Variants in ERG observed in about 807,000 individuals in gnomAD.
ERG encodes the protein ETS transcription factor ERG, also known as transcriptional regulator ERG.
ERG carries 9 observed loss-of-function variants against 55.3 expected under a neutral mutation model. The observed-to-expected ratio is 0.16, with a 90% CI of 0.10 to 0.28. ERG has a LOEUF of 0.28. Among genes scored for constraint, ERG ranks in the 10% least tolerant of loss-of-function variants. ERG has a pLI of 1.00. For synonymous variants in ERG, 223 were observed against 237.3 expected (o/e 0.94, Z 0.55); for missense variants, 434 against 631.6 (o/e 0.69, Z 3.35).
chr21:38,654,618 C>G (rs2060507961), intron 1 of ERG, among the ~76,000 whole-genome samples: 1 of 152,198 alleles, frequency 6.6e-6, no homozygotes, highest in Non-Finnish European at 1.5e-5. Flanking sequence ...TCTAACATCT[C>G]TTCTCCAGAA....
intron 1 of ERG, among the ~76,000 whole-genome samples, chr21:38,637,816 C>T (rs866692529): frequency 1.7e-4 from 25 of 148,944 alleles, no homozygotes; most frequent in East Asian, 5.9e-4. Flanking sequence ...TCTTTTTCTG[C>T]GTGTGTGTGT....
At chr21:38,470,791 A>G (rs1277994948) in intron 1 of ERG, 4 of 152,236 alleles carry the variant, frequency 2.6e-5, no homozygotes, top group Non-Finnish European at 4.4e-5. Context: ...CCAAGAGTCT[A>G]TTAACATTGT....
At chr21:38,602,054 T>C (rs993407356) in intron 1 of ERG, among the ~76,000 whole-genome samples, 16 of 152,210 alleles carry the variant, frequency 1.1e-4, no homozygotes, top group Non-Finnish European at 2.4e-4. Context: ...GAGTGCTTTT[T>C]ACCTGCTCTT....
At chr21:38,587,644 G>A (rs999912127), upstream of ERG, among the ~76,000 whole-genome samples, 7 of 152,218 alleles carry the variant, frequency 4.6e-5, no homozygotes, top group South Asian at 4.1e-4. Context: ...GAGCCACGGC[G>A]CCCGGCCAAA....
chr21:38,660,216 C>T (rs61085980), intron 1 of ERG, among the ~76,000 whole-genome samples: 69,397 of 152,130 alleles, frequency 0.46, 16,198 homozygotes, highest in Middle Eastern at 0.58. Context: ...CTGATTTCCA[C>T]TCCAGACAAG....
chr21:38,467,493 A>G (rs545611767), intron 1 of ERG, among the ~76,000 whole-genome samples: 3 of 152,106 alleles, frequency 2.0e-5, no homozygotes, highest in Non-Finnish European at 4.4e-5. Flanking sequence ...GCGGGTGTGG[A>G]GGAGGAGGAG....
chr21:38,589,527 G>T (rs916348796), upstream of ERG, among the ~76,000 whole-genome samples: 43 of 152,308 alleles, frequency 2.8e-4, no homozygotes, highest in African/African-American at 1.0e-3. Flanking sequence ...TTCTCACCAC[G>T]GATTGGTTTA....
chr21:38,484,253 C>G (rs2059263756), intron 1 of ERG, among the ~76,000 whole-genome samples: 2 of 152,154 alleles, frequency 1.3e-5, no homozygotes, highest in Non-Finnish European at 2.9e-5. Context: ...GTGTGAGCCA[C>G]CGCGCCCGGT....
At chr21:38,416,123 T>G (rs1185547506) in intron 3 of ERG, among the ~76,000 whole-genome samples, 1 of 152,178 alleles carries the variant, frequency 6.6e-6, no homozygotes, top group Non-Finnish European at 1.5e-5. Context: ...CCTCTAACAC[T>G]CTGAGAACTC....
intron 1 of ERG, among the ~76,000 whole-genome samples, chr21:38,486,911 C>A (rs1188133601): frequency 6.6e-6 from 1 of 152,124 alleles, no homozygotes; most frequent in Non-Finnish European, 1.5e-5. Flanking sequence ...AAGTATTAAG[C>A]TGCTTAATCC....
intron 2 of ERG, among the ~76,000 whole-genome samples, chr21:38,424,113 T>A (rs1989685611): frequency 6.6e-6 from 1 of 151,956 alleles, no homozygotes; most frequent in South Asian, 2.1e-4. Flanking sequence ...AATTTCAGTT[T>A]GATGAGGTCA....
chr21:38,376,195 T>C (rs1038898672), downstream of ERG, among the ~76,000 whole-genome samples: 12 of 152,204 alleles, frequency 7.9e-5, no homozygotes, highest in South Asian at 2.1e-4. Context: ...TATGTCACAT[T>C]AGTGTGAATG....
At chr21:38,481,292 A>G (rs1186757348) in intron 1 of ERG, among the ~76,000 whole-genome samples, 1 of 152,254 alleles carries the variant, frequency 6.6e-6, no homozygotes, top group Non-Finnish European at 1.5e-5. Flanking sequence ...TTCAATATGC[A>G]TCATTTATTC....
At position 38,543,948 on chromosome 21, in the gene ERG, G is replaced by A. The variant is rs180749847; in HGVS notation, c.-41+31714C>T. On this transcript the variant is annotated intron_variant, in intron 2 of 8. Coordinates refer to the ERG transcript ENST00000398897. The stretch of plus-strand genomic sequence containing the variant: ...GACAGGATTTCACCATGTTGGCCAG[G>A]CTGGTCGTCTCAAACTTCTGACCTC... Among the ~76,000 whole-genome samples the A allele has an allele frequency of 1.2e-4, 18 of 152,148 alleles. No individual in the cohort carries two copies. In the East Asian group the frequency reaches 2.5e-3, roughly 21 times the overall value.
chr21:38,447,323 A>G (rs2058901228), intron 1 of ERG, among the ~76,000 whole-genome samples: 1 of 151,784 alleles, frequency 6.6e-6, no homozygotes, highest in African/African-American at 2.4e-5. Flanking sequence ...TATCTGTAGA[A>G]TTACAGCCCT....
chr21:38,489,704 G>A (rs774265196), intron 1 of ERG, among the ~76,000 whole-genome samples: 3 of 152,220 alleles, frequency 2.0e-5, no homozygotes, highest in Non-Finnish European at 4.4e-5. Context: ...TTTGCCTGGC[G>A]TAGGCCAAGC....
At chr21:38,379,594 T>C (rs775861793), downstream of ERG, among the ~76,000 whole-genome samples, 17 of 152,240 alleles carry the variant, frequency 1.1e-4, no homozygotes, top group Non-Finnish European at 2.4e-4. Context: ...TCAGGTAATA[T>C]TATGACTTTC....
At chr21:38,634,513 A>G (rs1236637704) in intron 1 of ERG, among the ~76,000 whole-genome samples, 1 of 152,234 alleles carries the variant, frequency 6.6e-6, no homozygotes, top group African/African-American at 2.4e-5. Flanking sequence ...TCTGGTGTAG[A>G]TAACAATCAA....
chr21:38,403,660 C>A lies in ERG; in HGVS notation c.438G>T (p.Ala146=). 6.2e-7 allele frequency: 1 copy of A among 1,614,124 alleles called. No homozygotes were observed. The highest frequency in any genetic ancestry group is 8.5e-7 in the Non-Finnish European group (1 of 1,180,020). Residue 146 remains alanine (A), a synonymous_variant, in exon 4 of 10, where the codon GCG becomes GCT. Coordinates refer to ENST00000288319, the MANE Select transcript of ERG (RefSeq NM_182918.4). ...CGTCTGGAAGGCCATATTCTTTCAC[C>A]GCCCACTCCAGCCACTGCCGCACAT... ...TDHVRQWLEW[A]VKEYGLPDVN... is the part of the protein sequence containing the mutation.
Sources: gnomAD v4.1 joint callset for allele counts (sites outside exome capture counted in the v4.1 genomes callset) on GRCh38, gnomAD v4.1.1 for gene constraint, MANE v1.5 for transcripts, NCBI Gene and HGNC (gene_info 2026-07-23, HGNC 2026-07-21) for gene names.